Variants in OTOP1 observed in about 807,000 individuals in gnomAD.
OTOP1 encodes the protein proton channel OTOP1.
OTOP1 carries 59 observed loss-of-function variants against 52.9 expected under a neutral mutation model. The ratio of observed to expected loss-of-function variants is 1.12; its 90% CI spans 0.91 to 1.39. OTOP1 has a LOEUF of 1.39. Among genes scored for constraint, OTOP1 ranks in the 40% most tolerant of loss-of-function variants. The probability of loss-of-function intolerance (pLI) is 0.00; values close to 1 mark genes in which losing one functional copy is unlikely to be tolerated. For missense variants in OTOP1, 761 were observed against 800.9 expected (o/e 0.95, Z 0.60); for synonymous variants, 317 against 337.7 (o/e 0.94, Z 0.67).
At chr4:4,196,950 C>T (rs1438588927) in intron 5 of OTOP1, among the ~76,000 whole-genome samples, 5 of 151,992 alleles carry the variant, frequency 3.3e-5, no homozygotes, top group African/African-American at 1.2e-4. Context: ...CAGACACTAC[C>T]AGGGACTACT....
At chr4:4,194,180 C>T (rs1306397546) in intron 5 of OTOP1, among the ~76,000 whole-genome samples, 1 of 152,140 alleles carries the variant, frequency 6.6e-6, no homozygotes. Flanking sequence ...CAGAGCAAGA[C>T]TCCATCTCAA....
At chr4:4,213,027 A>G in intron 1 of OTOP1, 23 bp from the exon 2 acceptor site, 1 of 1,611,278 alleles carries the variant, frequency 6.2e-7, no homozygotes, top group East Asian at 2.2e-5. Flanking sequence ...TGAAGGGGGA[A>G]GTGGAAACAC....
intron 1 of OTOP1, among the ~76,000 whole-genome samples, chr4:4,220,750 T>C (rs898462287): frequency 2.6e-5 from 4 of 152,164 alleles, no homozygotes; most frequent in African/African-American, 9.7e-5. Flanking sequence ...TTGAGAATAA[T>C]CCAAAGACTA....
At chr4:4,213,607 C>T (rs1302058337) in intron 1 of OTOP1, among the ~76,000 whole-genome samples, 2 of 152,140 alleles carry the variant, frequency 1.3e-5, no homozygotes, top group Admixed American at 6.5e-5. Flanking sequence ...CGCATAATGT[C>T]GTCATGGCTC....
intron 1 of OTOP1, among the ~76,000 whole-genome samples, chr4:4,220,873 C>T (rs564564400): frequency 3.7e-4 from 57 of 152,110 alleles, no homozygotes; most frequent in Middle Eastern, 6.8e-3. Flanking sequence ...TGGAAAGTCC[C>T]ACAGAATTAG....
At chr4:4,208,582 A>C (rs764423537) in intron 2 of OTOP1, among the ~76,000 whole-genome samples, 1 of 152,226 alleles carries the variant, frequency 6.6e-6, no homozygotes, top group Non-Finnish European at 1.5e-5. Context: ...ATTCAAACTC[A>C]TAAAGACAGA....
intron 4 of OTOP1, among the ~76,000 whole-genome samples, chr4:4,201,469 T>TACACACACACACACACAC (rs564159690): frequency 8.0e-5 from 11 of 137,660 alleles, no homozygotes; most frequent in Admixed American, 4.3e-4. Flanking sequence ...AATATATATA[T>TACACACACACACACACAC]ATACACACAC....
chr4:4,224,022 G>T (rs1263224763), intron 1 of OTOP1, among the ~76,000 whole-genome samples: 2 of 150,978 alleles, frequency 1.3e-5, no homozygotes, highest in Admixed American at 1.3e-4. Context: ...AAAGATGAAG[G>T]AGGAGAAGAG....
intron 1 of OTOP1, among the ~76,000 whole-genome samples, chr4:4,221,674 GC>G (rs1227732424): frequency 5.9e-5 from 9 of 152,256 alleles, no homozygotes; most frequent in East Asian, 3.9e-4. Flanking sequence ...CTGTTTCTCT[GC>G]CTGAACATCA....
Position 4,197,796 on chromosome 4 carries a change from T to C in OTOP1, c.1038A>G (p.Ala346=). ...TGGCATACAGGTAGAACATGATGAG[T>C]GCCGACTCGCTCTTGGTCTTGGAGC... ...IGRSKTKSES[A]LIMFYLYAIT... Residue 346 remains alanine (A), a synonymous_variant, in exon 5 of 6, where the codon GCA becomes GCG. Transcript: ENST00000296358. 1 of 1,613,746 alleles carries C rather than the reference T, an allele frequency of 6.2e-7. No homozygotes were observed. Among genetic ancestry groups the C allele is most frequent in the East Asian group, 2.2e-5 (1 of 44,868 alleles).
rs148200589 is a variant in OTOP1, at chr4:4,220,188, C to T, written c.403+6274G>A. On this transcript the variant is annotated intron_variant, in intron 1 of 5. Coordinates refer to ENST00000296358, the MANE Select transcript of OTOP1 (RefSeq NM_177998.3). ...CGCAAGCTCTGCCCACTGTGACCTC[C>T]ACCTTCCAGATTCAAGGGATTCTCC... Among the ~76,000 whole-genome samples the T allele has an allele frequency of 6.4e-3, 946 of 148,538 alleles. 9 individuals are homozygous for T. Among genetic ancestry groups the T allele is most frequent in the African/African-American group, 0.022 (879 of 40,176 alleles).
intron 2 of OTOP1, among the ~76,000 whole-genome samples, chr4:4,210,251 C>T (rs966695782): frequency 1.3e-5 from 2 of 152,200 alleles, no homozygotes; most frequent in African/African-American, 2.4e-5. Flanking sequence ...AAGCTTTCCA[C>T]ATTGTCGCTG....
intron 2 of OTOP1, among the ~76,000 whole-genome samples, chr4:4,211,903 C>T (rs1470339740): frequency 6.6e-6 from 1 of 152,072 alleles, no homozygotes; most frequent in East Asian, 1.9e-4. Flanking sequence ...ACGTAATGGA[C>T]AACGTGAAGA....
intron 1 of OTOP1, among the ~76,000 whole-genome samples, chr4:4,217,725 T>G (rs1224983423): frequency 6.6e-6 from 1 of 152,104 alleles, no homozygotes; most frequent in African/African-American, 2.4e-5. Flanking sequence ...TGAAGGTACA[T>G]GGGCAGGAAA....
chr4:4,213,113 A>C (rs1490315266), intron 1 of OTOP1, 109 bp from the exon 2 acceptor site: 4 of 1,358,000 alleles, frequency 2.9e-6, no homozygotes, highest in Non-Finnish European at 4.0e-6. Context: ...GTATATGGTC[A>C]AATGATTTTT....
intron 4 of OTOP1, among the ~76,000 whole-genome samples, chr4:4,200,270 C>T (rs541108174): frequency 4.6e-5 from 7 of 151,826 alleles, no homozygotes; most frequent in South Asian, 2.1e-4. Context: ...CCGAGGCGGG[C>T]GGATCACAAG....
intron 2 of OTOP1, among the ~76,000 whole-genome samples, chr4:4,211,441 TC>T: frequency 8.9e-6 from 1 of 111,966 alleles, no homozygotes; most frequent in Non-Finnish European, 2.4e-5. Context: ...AGCTCCAACT[TC>T]TTCGTTAGAA....
At chr4:4,192,324 C>T (rs943589960) in intron 5 of OTOP1, among the ~76,000 whole-genome samples, 24 of 152,142 alleles carry the variant, frequency 1.6e-4, no homozygotes, top group Non-Finnish European at 2.8e-4. Context: ...CACCAGACCA[C>T]GGAACTTCTG....
At chr4:4,189,187 C>G (rs11733527) in intron 5 of OTOP1, among the ~76,000 whole-genome samples, 22,969 of 152,222 alleles carry the variant, frequency 0.15, 2,258 homozygotes, top group Non-Finnish European at 0.22. Context: ...CCTCAACCAC[C>G]CTTCCCTGCA....
Sources: allele counts gnomAD v4.1 joint callset (sites outside exome capture counted in the v4.1 genomes callset), GRCh38; gene constraint gnomAD v4.1.1; transcripts MANE v1.5; gene names NCBI Gene and HGNC (gene_info 2026-07-23, HGNC 2026-07-21).